MRPL22: variants seen among roughly 807,000 people sequenced by gnomAD.
MRPL22 encodes the protein mitochondrial ribosomal protein L22.
MRPL22 carries 27 observed loss-of-function variants against 32.4 expected under a neutral mutation model. The observed-to-expected ratio is 0.83, with a 90% CI of 0.61 to 1.15. The LOEUF is 1.15. MRPL22 is among the 50% of genes most tolerant of loss of function. The pLI is 0.00. For synonymous variants in MRPL22, 86 were observed against 87.3 expected, an observed-to-expected ratio of 0.99 and a Z score of 0.08; for missense variants, 239 against 260.2, an observed-to-expected ratio of 0.92 and a Z score of 0.56.
At chr5:154,962,334 T>C (rs1349326667) in intron 6 of MRPL22, among the ~76,000 whole-genome samples, 1 of 152,202 alleles carries the variant, frequency 6.6e-6, no homozygotes, top group Admixed American at 6.5e-5. Flanking sequence ...GGAAGCTGTT[T>C]ATTTAATAAA....
At chr5:154,961,377 TA>T (rs1192693970) in intron 6 of MRPL22, among the ~76,000 whole-genome samples, 7 of 152,208 alleles carry the variant, frequency 4.6e-5, no homozygotes, top group Non-Finnish European at 1.0e-4. Context: ...ACCATTTGCT[TA>T]AAACCTCTTG....
intron 2 of MRPL22, among the ~76,000 whole-genome samples, chr5:154,945,824 C>G (rs1434963838): frequency 6.6e-6 from 1 of 152,196 alleles, no homozygotes; most frequent in Non-Finnish European, 1.5e-5. Flanking sequence ...TCTGTATTTT[C>G]TGTTTTAAGG....
intron 6 of MRPL22, among the ~76,000 whole-genome samples, chr5:154,960,817 C>T (rs1764691992): frequency 6.6e-6 from 1 of 152,140 alleles, no homozygotes; most frequent in Non-Finnish European, 1.5e-5. Flanking sequence ...TTATTTTTTT[C>T]TCACTACAGC....
At position 154,965,498 on chromosome 5, in the gene MRPL22, C is replaced by G. The variant is rs143252704; in HGVS notation, c.410-1188C>G. ...TGGTGTGCAGTGGTGGATCTTGGCT[C>G]GCTGCAACCTCTGCCTCTCGGGTTC... On this transcript the variant is annotated intron_variant, in intron 6 of 6. Transcript: ENST00000523037. Among the ~76,000 whole-genome samples the G allele has an allele frequency of 5.2e-3, 782 of 150,280 alleles. 5 individuals carry two copies. Among genetic ancestry groups the G allele is most frequent in the African/African-American group, 0.018 (735 of 40,800 alleles).
At chr5:154,951,821 A>G (rs1286096486) in intron 3 of MRPL22, among the ~76,000 whole-genome samples, 1 of 152,156 alleles carries the variant, frequency 6.6e-6, no homozygotes, top group East Asian at 1.9e-4. Context: ...ATCATAAATA[A>G]AAATTTTTCT....
At position 154,941,282 on chromosome 5, in the gene MRPL22, G is replaced by T. The variant is rs755426897; in HGVS notation, c.77+17G>T. ...GGCCTTGGGGTGAGTCTCTCGCTTC[G>T]GAGTTTCGGAAGGGCCCAAGGCATC... On this transcript the variant is annotated intron_variant, in intron 2 of 6. Coordinates refer to ENST00000523037, the MANE Select transcript of MRPL22 (RefSeq NM_014180.4). 6.2e-7 allele frequency: 1 copy of T among 1,612,442 alleles called. No individual in the cohort carries two copies. Among genetic ancestry groups the T allele is most frequent in the African/African-American group, 1.3e-5 (1 of 74,828 alleles).
At chr5:154,956,276 A>G (rs1764628540) in intron 3 of MRPL22, 95 bp from the exon 4 acceptor site, 3 of 800,028 alleles carry the variant, frequency 3.7e-6, no homozygotes, top group East Asian at 5.4e-5. Context: ...CTTTAGGCCT[A>G]GAAAGTAAAA....
chr5:154,946,451 T>C (rs1173125488), intron 2 of MRPL22, among the ~76,000 whole-genome samples: 2 of 152,048 alleles, frequency 1.3e-5, no homozygotes, highest in African/African-American at 2.4e-5. Flanking sequence ...TCACAGGACT[T>C]ATTTGGGGGC....
chr5:154,966,806 C>T lies in MRPL22; in HGVS notation c.530C>T (p.Pro177Leu), dbSNP rs1168043993. 1 of 1,614,172 alleles carries T rather than the reference C, an allele frequency of 6.2e-7. No individual in the cohort carries two copies. The highest frequency in any genetic ancestry group is 1.1e-5 in the South Asian group (1 of 91,078). ...TTTGTGAAGTTGGTGGAAGGGCCCC[C>T]ACCTCCACCTGAGCCACCAAAGACG... Reference protein sequence around the residue: ...HYFVKLVEGPPPPPEPPKTAV... With the variant: ...HYFVKLVEGPLPPPEPPKTAV... Residue 177 changes from proline (P) to leucine (L), a missense_variant, in exon 7 of 7, where the codon CCA (proline) becomes CTA (leucine). Pro to Leu is a moderately conservative substitution (Grantham distance 98). Transcript: ENST00000523037.
intron 2 of MRPL22, among the ~76,000 whole-genome samples, chr5:154,941,789 A>G (rs898450882): frequency 5.9e-5 from 9 of 152,246 alleles, no homozygotes; most frequent in Admixed American, 2.6e-4. Flanking sequence ...GAAATTTTGA[A>G]GCTTTATACC....
chr5:154,943,194 A>G (rs534309906), intron 2 of MRPL22, among the ~76,000 whole-genome samples: 13 of 151,866 alleles, frequency 8.6e-5, no homozygotes, highest in African/African-American at 3.1e-4. Context: ...GCTGAAGTGC[A>G]GTGCTGTGAT....
At chr5:154,959,390 C>G (rs1764672873) in intron 5 of MRPL22, among the ~76,000 whole-genome samples, 1 of 152,190 alleles carries the variant, frequency 6.6e-6, no homozygotes, top group Non-Finnish European at 1.5e-5. Flanking sequence ...GTTGCCCAGG[C>G]TGGAGTGCAG....
At chr5:154,960,351 A>G (rs1582694444) in intron 6 of MRPL22, among the ~76,000 whole-genome samples, 2 of 152,350 alleles carry the variant, frequency 1.3e-5, no homozygotes, top group Middle Eastern at 3.4e-3. Flanking sequence ...TAATATTATA[A>G]CAAATAGTAT....
chr5:154,949,799 G>T (rs1222046026), intron 2 of MRPL22, among the ~76,000 whole-genome samples: 3 of 152,048 alleles, frequency 2.0e-5, no homozygotes, highest in Non-Finnish European at 2.9e-5. Flanking sequence ...GTGAATTTGG[G>T]ATCTTCATCA....
chr5:154,956,911 A>G lies in MRPL22; in HGVS notation c.262-224A>G, dbSNP rs1018905986. 1.0e-5 allele frequency: 5 copies of G among 487,556 alleles called. No individual in the cohort carries two copies. In the Admixed American group the frequency reaches 1.8e-4, roughly 17 times the overall value. 30.2% of individuals were successfully genotyped at this position (487,556 alleles called of 1,614,324 possible). A position where few individuals can be genotyped will look rare whatever the true frequency, so the allele number is the denominator to read the frequency against. Reference sequence around the variant, plus strand: ...TCTCTGTCATGTTTGCTGTCTTTTAATGTTATTGAAACTATTATAATCTCA... The same window carrying G: ...TCTCTGTCATGTTTGCTGTCTTTTAGTGTTATTGAAACTATTATAATCTCA... On this transcript the variant is annotated intron_variant, in intron 4 of 6. Transcript: ENST00000523037.
chr5:154,964,069 G>A (rs1764737006), intron 6 of MRPL22, among the ~76,000 whole-genome samples: 1 of 152,182 alleles, frequency 6.6e-6, no homozygotes, highest in Non-Finnish European at 1.5e-5. Flanking sequence ...GAACATGGCA[G>A]GCTGTGTATT....
chr5:154,965,908 T>C (rs570232822), intron 6 of MRPL22, among the ~76,000 whole-genome samples: 3 of 152,246 alleles, frequency 2.0e-5, no homozygotes, highest in African/African-American at 7.2e-5. Context: ...ACCCCAGATA[T>C]ACTGAATTAG....
rs753153657 is a variant in MRPL22, at chr5:154,950,886, A to G, written c.143A>G (p.Lys48Arg). 6.2e-7 allele frequency: 1 copy of G among 1,614,002 alleles called. No individual in the cohort carries two copies. Among genetic ancestry groups the G allele is most frequent in the South Asian group, 1.1e-5 (1 of 91,090 alleles). Residue 48 changes from lysine (K) to arginine (R), a missense_variant, in exon 3 of 7, where the codon AAG (lysine) becomes AGG (arginine). Physicochemically the swap from Lys to Arg is conservative, Grantham distance 26. Transcript: ENST00000523037. ...GACATTTCTCGAAAATGGGAGAAGA[A>G]GAATAAAATTGTTTATCCTCCACAA... ...SLDISRKWEK[K>R]NKIVYPPQLP... is the part of the protein sequence containing the mutation.
intron 6 of MRPL22, among the ~76,000 whole-genome samples, chr5:154,963,498 A>G (rs1020154095): frequency 6.6e-6 from 1 of 152,226 alleles, no homozygotes; most frequent in African/African-American, 2.4e-5. Context: ...GAAGTATAAT[A>G]ATACTGTGTA....
Sources: allele counts gnomAD v4.1 joint callset (sites outside exome capture counted in the v4.1 genomes callset), GRCh38; gene constraint gnomAD v4.1.1; transcripts MANE v1.5; gene names NCBI Gene and HGNC (gene_info 2026-07-23, HGNC 2026-07-21).